The following GABRB3 variants were observed in gnomAD, a reference collection of about 807,000 sequenced individuals.
GABRB3 encodes gamma-aminobutyric acid receptor subunit beta-3.
GABRB3 carries 14 observed loss-of-function variants against 52.1 expected under a neutral mutation model. The ratio of observed to expected loss-of-function variants is 0.27; its 90% confidence interval spans 0.18 to 0.42. The LOEUF is 0.42. Ranked by LOEUF, GABRB3 falls within the 10% of genes least tolerant of loss-of-function variation. GABRB3 has a pLI of 1.00. For synonymous variants in GABRB3, 260 were observed against 232.3 expected, an observed-to-expected ratio of 1.12 and a Z score of -1.08; for missense variants, 307 against 609.1, an observed-to-expected ratio of 0.50 and a Z score of 5.22.
intron 8 of GABRB3, 79 bp downstream of exon 8, chr15:26,560,853 C>A: frequency 6.2e-7 from 1 of 1,600,204 alleles, no homozygotes; most frequent in Non-Finnish European, 8.5e-7. Context: ...GGGGAAAAAA[C>A]AAAGAAATAT....
At chr15:26,766,724 C>CA (rs1474570650) in intron 3 of GABRB3, among the ~76,000 whole-genome samples, 2 of 152,058 alleles carry the variant, frequency 1.3e-5, no homozygotes, top group Admixed American at 6.6e-5. Context: ...TGCAACCTAC[C>CA]AGATTTAACT....
intron 7 of GABRB3, among the ~76,000 whole-genome samples, chr15:26,564,239 G>C (rs1890085840): frequency 6.6e-6 from 1 of 152,118 alleles, no homozygotes; most frequent in Non-Finnish European, 1.5e-5. Context: ...AAACACTTCT[G>C]GTCCCAGGCA....
chr15:26,691,634 T>C (rs922880437), intron 3 of GABRB3, among the ~76,000 whole-genome samples: 61 of 152,280 alleles, frequency 4.0e-4, no homozygotes, highest in African/African-American at 1.3e-3. Flanking sequence ...CCTAATCTCA[T>C]GAAAAAGGAA....
chr15:26,742,947 T>TTTTTTTTTTTTTTTTTTTTTTG lies in GABRB3; in HGVS notation c.240+29454_240+29455insCAAAAAAAAAAAAAAAAAAAAA, dbSNP rs771203717. 4.8e-5 allele frequency among the ~76,000 whole-genome samples: 5 copies of TTTTTTTTTTTTTTTTTTTTTTG among 104,168 alleles called. 2 individuals carry two copies. The highest frequency in any genetic ancestry group is 5.8e-5 in the Non-Finnish European group (3 of 51,674). The allele number at this position is 104,168 out of a possible 152,430, so 68.3% of individuals were successfully genotyped here. A position where few individuals can be genotyped will look rare whatever the true frequency, so the allele number is the denominator to read the frequency against. On this transcript the variant is annotated intron_variant, in intron 3 of 8. Coordinates refer to ENST00000311550, the MANE Select transcript of GABRB3 (RefSeq NM_000814.6). Reference sequence around the variant, plus strand: ...TTCTTTTTTTTTTTTTTTTTTTTTTTGAGACAGAGTCTCGCTATGGCGCCC... The same window carrying TTTTTTTTTTTTTTTTTTTTTTG: ...TTCTTTTTTTTTTTTTTTTTTTTTTTTTTTTTTTTTTTTTTTTTTTTGGAGACAGAGTCTCGCTATGGCGCCC...
intron 3 of GABRB3, among the ~76,000 whole-genome samples, chr15:26,760,739 G>C (rs4243767): frequency 0.91 from 138,759 of 151,888 alleles, 63,437 homozygotes; most frequent in East Asian, 1. Flanking sequence ...ACTGTATTTC[G>C]AAAATAAGAA....
intron 3 of GABRB3, among the ~76,000 whole-genome samples, chr15:26,760,809 G>GCACACACACACACA (rs10522762): frequency 0.047 from 7,047 of 149,326 alleles, 188 homozygotes; most frequent in South Asian, 0.054. Flanking sequence ...ACACGCGCAC[G>GCACACACACACACA]CACACACACA....
intron 4 of GABRB3, among the ~76,000 whole-genome samples, chr15:26,611,316 A>C (rs1383646833): frequency 6.6e-6 from 1 of 152,322 alleles, no homozygotes; most frequent in Non-Finnish European, 1.5e-5. Context: ...TTTCTAGTCA[A>C]ATAAAAATTA....
chr15:26,650,155 C>A (rs944910122), intron 3 of GABRB3, among the ~76,000 whole-genome samples: 1 of 152,164 alleles, frequency 6.6e-6, no homozygotes, highest in Non-Finnish European at 1.5e-5. Flanking sequence ...GTCCAGAGCC[C>A]TGTTGGGTGC....
At chr15:26,573,458 C>T (rs1890482046) in intron 6 of GABRB3, among the ~76,000 whole-genome samples, 1 of 152,118 alleles carries the variant, frequency 6.6e-6, no homozygotes, top group Non-Finnish European at 1.5e-5. Context: ...TGAGTCCTTT[C>T]TAATCCTCCA....
chr15:26,605,440 T>C (rs1475240581), intron 4 of GABRB3, among the ~76,000 whole-genome samples: 1 of 152,152 alleles, frequency 6.6e-6, no homozygotes, highest in African/African-American at 2.4e-5. Flanking sequence ...AAAATCAGTA[T>C]ATTGAAGAAT....
At chr15:26,634,917 C>CT (rs34104703) in intron 3 of GABRB3, among the ~76,000 whole-genome samples, 55,625 of 139,538 alleles carry the variant, frequency 0.4, 11,795 homozygotes, top group Middle Eastern at 0.54. Flanking sequence ...ATATCTCTCT[C>CT]CAAATATTAG....
At chr15:26,589,070 G>A (rs1451312350) in intron 4 of GABRB3, among the ~76,000 whole-genome samples, 1 of 152,200 alleles carries the variant, frequency 6.6e-6, no homozygotes, top group African/African-American at 2.4e-5. Context: ...CTGAGTCAAG[G>A]ATGTCAAGAT....
chr15:26,642,362 T>C (rs1893226089), intron 3 of GABRB3: 1 of 572,806 alleles, frequency 1.7e-6, no homozygotes, highest in African/African-American at 1.9e-5. Context: ...TACTTGGAGG[T>C]ATGGGGGTGG....
Position 26,664,136 on chromosome 15 carries a change from C to G in GABRB3, c.241-42602G>C, listed in dbSNP as rs181509241. Among the ~76,000 whole-genome samples the G allele has an allele frequency of 4.8e-3, 736 of 152,264 alleles. 6 individuals are homozygous for G. The highest frequency in any genetic ancestry group is 0.017 in the African/African-American group (707 of 41,556). ...CATAGCTCCCTATAACCTCGGACTC[C>G]TGGACTCAAGCGACCCTCACCTCAG... On this transcript the variant is annotated intron_variant, in intron 3 of 8. Coordinates refer to ENST00000311550, the MANE Select transcript of GABRB3 (RefSeq NM_000814.6).
chr15:26,544,289 C>T lies in GABRB3; in HGVS notation c.*3504G>A, dbSNP rs997552324. The stretch of plus-strand genomic sequence containing the variant: ...ATCTACTAGATGCTGAAAATGAACA[C>T]CTACAACTGCAATGTGCCTGTCCCC... On this transcript the variant is annotated 3_prime_UTR_variant, in exon 9 of 9. Coordinates refer to ENST00000311550, the MANE Select transcript of GABRB3 (RefSeq NM_000814.6). The T allele has an allele frequency of 3.3e-5, 5 of 152,550 alleles. No individual in the cohort carries two copies. Among genetic ancestry groups the T allele is most frequent in the African/African-American group, 1.2e-4 (5 of 41,426 alleles). 9.4% of individuals were successfully genotyped at this position (152,550 alleles called of 1,614,324 possible).
chr15:26,633,829 C>T (rs1334592219), intron 3 of GABRB3, among the ~76,000 whole-genome samples: 1 of 152,182 alleles, frequency 6.6e-6, no homozygotes, highest in Non-Finnish European at 1.5e-5. Flanking sequence ...AGACCCCCTT[C>T]CCCTTTCTAA....
chr15:26,760,356 C>A (rs1007952389), intron 3 of GABRB3, among the ~76,000 whole-genome samples: 1 of 152,162 alleles, frequency 6.6e-6, no homozygotes, highest in African/African-American at 2.4e-5. Flanking sequence ...GAAAGATGAT[C>A]AAACTGAGTC....
chr15:26,609,409 T>G (rs1032598367), intron 4 of GABRB3, among the ~76,000 whole-genome samples: 1 of 152,160 alleles, frequency 6.6e-6, no homozygotes, highest in African/African-American at 2.4e-5. Flanking sequence ...GTGAACAAAC[T>G]ATATCTAGTT....
At chr15:26,582,691 C>A (rs531065333) in intron 5 of GABRB3, among the ~76,000 whole-genome samples, 1 of 152,302 alleles carries the variant, frequency 6.6e-6, no homozygotes, top group East Asian at 1.9e-4. Context: ...CATTTATCCC[C>A]CTAAAATTCA....
Sources: gnomAD v4.1 joint callset for allele counts (sites outside exome capture counted in the v4.1 genomes callset) on GRCh38, gnomAD v4.1.1 for gene constraint, MANE v1.5 for transcripts, NCBI Gene and HGNC (gene_info 2026-07-23, HGNC 2026-07-21) for gene names.